Variants in LEPR observed in about 807,000 individuals in gnomAD.
The protein encoded by LEPR is OB receptor.
Under a neutral mutation model 114.7 loss-of-function variants are expected in LEPR, and 56 were observed. The observed-to-expected ratio is 0.49, with a 90% CI of 0.39 to 0.61. The LOEUF is 0.61. LEPR is among the 20% of genes least tolerant of loss of function. The probability of loss-of-function intolerance (pLI) is 0.00; values close to 1 mark genes in which losing one functional copy is unlikely to be tolerated. For synonymous variants in LEPR, 443 were observed against 461.4 expected (o/e 0.96, Z 0.51); for missense variants, 1,202 against 1,352.9 (o/e 0.89, Z 1.75).
At chr1:65,545,702 T>A (rs1483398703) in intron 2 of LEPR, among the ~76,000 whole-genome samples, 1 of 152,270 alleles carries the variant, frequency 6.6e-6, no homozygotes, top group African/African-American at 2.4e-5. Context: ...AGATTCTGGA[T>A]ATTAGCCCTT....
chr1:65,617,535 C>T (rs1657604596), intron 15 of LEPR, among the ~76,000 whole-genome samples: 1 of 152,164 alleles, frequency 6.6e-6, no homozygotes, highest in Non-Finnish European at 1.5e-5. Context: ...GCCCTCAGGG[C>T]CTTGCAGGCA....
intron 2 of LEPR, among the ~76,000 whole-genome samples, chr1:65,548,574 G>C (rs576182687): frequency 6.6e-6 from 1 of 152,170 alleles, no homozygotes; most frequent in Admixed American, 6.5e-5. Flanking sequence ...GGCCTTCTTT[G>C]TCTCTTTTGA....
chr1:65,625,760 C>A (rs1658168372), intron 19 of LEPR, among the ~76,000 whole-genome samples: 1 of 152,062 alleles, frequency 6.6e-6, no homozygotes, highest in Admixed American at 6.6e-5. Context: ...CAGCTAAGTA[C>A]CTGCAAACAC....
intron 2 of LEPR, among the ~76,000 whole-genome samples, chr1:65,454,930 T>C (rs1454933555): frequency 6.6e-6 from 1 of 152,206 alleles, no homozygotes; most frequent in Non-Finnish European, 1.5e-5. Context: ...CAATCAGACG[T>C]AGATTTGGTC....
chr1:65,551,349 C>T (rs544551873), intron 2 of LEPR, among the ~76,000 whole-genome samples: 1 of 152,132 alleles, frequency 6.6e-6, no homozygotes, highest in African/African-American at 2.4e-5. Context: ...TGGTCCTGGG[C>T]CTTTTTTGGT....
At chr1:65,469,422 A>C (rs1047069508) in intron 2 of LEPR, among the ~76,000 whole-genome samples, 7 of 152,256 alleles carry the variant, frequency 4.6e-5, no homozygotes, top group Non-Finnish European at 2.9e-5. Context: ...GAAGAGCAGA[A>C]GTAGTTATCA....
At chr1:65,539,416 C>T (rs898350221) in intron 2 of LEPR, among the ~76,000 whole-genome samples, 3 of 152,110 alleles carry the variant, frequency 2.0e-5, no homozygotes, top group Non-Finnish European at 4.4e-5. Context: ...AATGTGACTT[C>T]TGTGCATATG....
At chr1:65,472,639 CACACACACAT>C (rs999362101) in intron 2 of LEPR, among the ~76,000 whole-genome samples, 6 of 151,472 alleles carry the variant, frequency 4.0e-5, no homozygotes, top group Non-Finnish European at 7.4e-5. Context: ...CACACACACA[CACACACACAT>C]ATATTTCTTT....
rs1651590119 is a variant in LEPR, at chr1:65,545,184, A to G, written c.-20-20362A>G. On this transcript the variant is annotated intron_variant, in intron 2 of 19. Transcript: ENST00000349533. The stretch of plus-strand genomic sequence containing the variant: ...GTATTCCATGGTGTATATGTGCCAC[A>G]TTTTCTTAATCCAGTCTATCATTGT... Among the ~76,000 whole-genome samples, 10 of 146,184 alleles carry G rather than the reference A, an allele frequency of 6.8e-5. No individual in the cohort carries two copies. The South Asian group carries it at 2.2e-3, about 33-fold the overall frequency.
At chr1:65,620,855 G>T (rs1219839416) in intron 17 of LEPR, among the ~76,000 whole-genome samples, 1 of 152,162 alleles carries the variant, frequency 6.6e-6, no homozygotes, top group Non-Finnish European at 1.5e-5. Context: ...TATCAATGAT[G>T]TTCAGTGAAG....
chr1:65,631,757 TC>T (rs1344705311), intron 19 of LEPR, among the ~76,000 whole-genome samples: 4 of 152,300 alleles, frequency 2.6e-5, no homozygotes, highest in African/African-American at 9.6e-5. Flanking sequence ...TTCTTCCAAT[TC>T]AAATTTTAGA....
At chr1:65,479,898 A>AAAAAC (rs1388386477) in intron 2 of LEPR, among the ~76,000 whole-genome samples, 4 of 151,744 alleles carry the variant, frequency 2.6e-5, no homozygotes, top group Non-Finnish European at 5.9e-5. Flanking sequence ...TTAGCTCACT[A>AAAAAC]AAAACAAAAC....
intron 2 of LEPR, among the ~76,000 whole-genome samples, chr1:65,490,646 A>T (rs1474739450): frequency 1.3e-5 from 2 of 152,140 alleles, no homozygotes; most frequent in African/African-American, 4.8e-5. Flanking sequence ...CAAGATGAAA[A>T]AGGTGCCTTA....
chr1:65,523,836 C>G (rs1649765882), intron 2 of LEPR, among the ~76,000 whole-genome samples: 1 of 152,194 alleles, frequency 6.6e-6, no homozygotes, highest in Non-Finnish European at 1.5e-5. Flanking sequence ...AGGGTCTTTG[C>G]AGATGTAACT....
intron 11 of LEPR, among the ~76,000 whole-genome samples, chr1:65,607,128 T>A (rs1656864374): frequency 6.6e-6 from 1 of 152,062 alleles, no homozygotes; most frequent in Non-Finnish European, 1.5e-5. Flanking sequence ...CTATCGTCAG[T>A]TCTCTCTTAA....
intron 10 of LEPR, among the ~76,000 whole-genome samples, chr1:65,603,716 G>A (rs921654902): frequency 1.9e-5 from 2 of 106,830 alleles, no homozygotes; most frequent in Non-Finnish European, 2.0e-5. Flanking sequence ...TTTTTTTTTT[G>A]ATTCATCAGC....
chr1:65,629,431 A>C (rs1408394257), intron 19 of LEPR: 2 of 400,604 alleles, frequency 5.0e-6, no homozygotes, highest in Non-Finnish European at 9.8e-6. Flanking sequence ...GATTATGTAA[A>C]TATTGTGACT....
At chr1:65,576,716 T>TG (rs1378378154) in intron 5 of LEPR, 1 of 179,314 alleles carries the variant, frequency 5.6e-6, no homozygotes, top group Non-Finnish European at 1.2e-5. Context: ...TGCGCCTTTA[T>TG]TCATCCAGCC....
chr1:65,515,289 A>T (rs1172021905), intron 2 of LEPR, among the ~76,000 whole-genome samples: 1 of 152,250 alleles, frequency 6.6e-6, no homozygotes, highest in Admixed American at 6.5e-5. Context: ...AACGAATTTC[A>T]GTTCCAGACT....
Sources: allele counts gnomAD v4.1 joint callset (sites outside exome capture counted in the v4.1 genomes callset), GRCh38; gene constraint gnomAD v4.1.1; transcripts MANE v1.5; gene names NCBI Gene and HGNC (gene_info 2026-07-23, HGNC 2026-07-21).